PKNOX2: variants seen among roughly 807,000 people sequenced by gnomAD.
The protein encoded by PKNOX2 is PBX/knotted 1 homeobox 2.
PKNOX2 carries 14 observed loss-of-function variants against 53.1 expected under a neutral mutation model. The observed-to-expected ratio is 0.26, with a 90% CI of 0.17 to 0.41. The LOEUF is 0.41. Ranked by LOEUF, PKNOX2 falls within the 10% of genes least tolerant of loss-of-function variation. The pLI, the probability that PKNOX2 is intolerant of heterozygous loss-of-function variation, is 1.00. For missense variants in PKNOX2, 496 were observed against 602.8 expected (o/e 0.82, Z 1.85); for synonymous variants, 257 against 242.8 (o/e 1.06, Z -0.54).
At chr11:125,351,987 GC>G (rs1484181067) in intron 4 of PKNOX2, among the ~76,000 whole-genome samples, 2 of 151,432 alleles carry the variant, frequency 1.3e-5, no homozygotes, top group Non-Finnish European at 2.9e-5. Context: ...AGACACAGCC[GC>G]CCCCCAAGAT....
intron 4 of PKNOX2, among the ~76,000 whole-genome samples, chr11:125,366,851 C>T (rs1019415948): frequency 3.9e-5 from 6 of 152,110 alleles, no homozygotes; most frequent in East Asian, 1.9e-4. Context: ...TCATTTTCTC[C>T]GCAAGTATTT....
At chr11:125,249,842 G>A (rs2135667064) in intron 2 of PKNOX2, among the ~76,000 whole-genome samples, 1 of 152,188 alleles carries the variant, frequency 6.6e-6, no homozygotes, top group East Asian at 1.9e-4. Flanking sequence ...GGCCAAGGTG[G>A]GTGGATCACC....
intron 4 of PKNOX2, among the ~76,000 whole-genome samples, chr11:125,354,646 T>C (rs904322601): frequency 3.3e-5 from 5 of 152,230 alleles, no homozygotes; most frequent in African/African-American, 1.2e-4. Flanking sequence ...GGAATCTGCA[T>C]TAAAAAATTC....
At chr11:125,311,211 G>A (rs1357918104) in intron 2 of PKNOX2, among the ~76,000 whole-genome samples, 1 of 152,182 alleles carries the variant, frequency 6.6e-6, no homozygotes, top group Admixed American at 6.5e-5. Context: ...TTTGGGCTAA[G>A]ATGTGATGTC....
chr11:125,404,352 G>C (rs772999729), intron 7 of PKNOX2, among the ~76,000 whole-genome samples: 12 of 152,212 alleles, frequency 7.9e-5, no homozygotes, highest in Admixed American at 7.2e-4. Flanking sequence ...TTCCTTAAGA[G>C]CAGCAGCTGC....
chr11:125,215,606 G>A (rs894855596), intron 1 of PKNOX2, among the ~76,000 whole-genome samples: 6 of 151,856 alleles, frequency 4.0e-5, no homozygotes, highest in Non-Finnish European at 5.9e-5. Flanking sequence ...ACAAAAATTC[G>A]CCAGGCATAG....
chr11:125,165,245 GC>G lies in PKNOX2; in HGVS notation c.-201+470del, dbSNP rs1245415134. Among the ~76,000 whole-genome samples, 42 of 151,930 alleles carry G rather than the reference GC, an allele frequency of 2.8e-4. No individual in the cohort carries two copies. The highest frequency in any genetic ancestry group is 9.2e-4 in the African/African-American group (38 of 41,430). ...AGCCGGGCTGCGGACTCGAATCGCCGCGGGCCCAACCCCGTAGCGGGCGGGC... is the reference window on the plus strand; with the variant it reads ...AGCCGGGCTGCGGACTCGAATCGCCGGGGCCCAACCCCGTAGCGGGCGGGC... On this transcript the variant is annotated intron_variant, in intron 1 of 12. Coordinates refer to ENST00000298282, the MANE Select transcript of PKNOX2 (RefSeq NM_001382323.2). The surrounding 1 kb of genome is among the most constrained non-coding windows in gnomAD (Gnocchi z 4.5).
At chr11:125,347,641 A>G (rs545504575) in intron 3 of PKNOX2, among the ~76,000 whole-genome samples, 1 of 151,674 alleles carries the variant, frequency 6.6e-6, no homozygotes, top group East Asian at 2.0e-4. Context: ...CTTTGCATCC[A>G]CTGATCCTGC....
chr11:125,384,756 C>T (rs1028880901), intron 5 of PKNOX2, among the ~76,000 whole-genome samples: 2 of 152,106 alleles, frequency 1.3e-5, no homozygotes, highest in Non-Finnish European at 2.9e-5. Context: ...CATAGAACCC[C>T]CCGCCCCGAC....
rs906412845 is a variant in PKNOX2, at chr11:125,318,273, ATTTT to A, written c.-129-13530_-129-13527del. The stretch of plus-strand genomic sequence containing the variant: ...AGGCACCCGCCATCATGCCTGGCTA[ATTTT>A]TTTTTTTTTTTTTTTGTATTTTTAG... On this transcript the variant is annotated intron_variant, in intron 2 of 12. Coordinates refer to ENST00000298282, the MANE Select transcript of PKNOX2 (RefSeq NM_001382323.2). 4.5e-5 allele frequency among the ~76,000 whole-genome samples: 6 copies of A among 133,422 alleles called. No individual in the cohort carries two copies. The South Asian group carries it at 1.4e-3, about 32-fold the overall frequency. The allele number at this position is 133,422 out of a possible 152,430, so 87.5% of individuals were successfully genotyped here.
chr11:125,336,739 A>G lies in PKNOX2; in HGVS notation c.-23+4814A>G, dbSNP rs572977047. Among the ~76,000 whole-genome samples the G allele has an allele frequency of 3.8e-4, 56 of 147,180 alleles. 2 individuals are homozygous for G. In the South Asian group the frequency reaches 0.011, roughly 30 times the overall value. On this transcript the variant is annotated intron_variant, in intron 3 of 12. Coordinates refer to ENST00000298282, the MANE Select transcript of PKNOX2 (RefSeq NM_001382323.2). ...CATTATATATCATACATAATACTGTATACTACATGATATATAATATATAAT... is the reference window on the plus strand; with the variant it reads ...CATTATATATCATACATAATACTGTGTACTACATGATATATAATATATAAT...
At chr11:125,284,681 G>A (rs988861652) in intron 2 of PKNOX2, among the ~76,000 whole-genome samples, 3 of 152,206 alleles carry the variant, frequency 2.0e-5, no homozygotes, top group Middle Eastern at 3.4e-3. Flanking sequence ...GTGCTTGAGC[G>A]CATTTGGTGA....
intron 5 of PKNOX2, among the ~76,000 whole-genome samples, chr11:125,379,695 G>T (rs542469579): frequency 6.6e-6 from 1 of 152,200 alleles, no homozygotes; most frequent in Non-Finnish European, 1.5e-5. Context: ...CCAACATACT[G>T]CCCTGTCTCT....
intron 2 of PKNOX2, among the ~76,000 whole-genome samples, chr11:125,323,158 A>G (rs1949625487): frequency 1.3e-5 from 2 of 151,792 alleles, no homozygotes; most frequent in Admixed American, 1.3e-4. Flanking sequence ...GTGCGTTTCC[A>G]GCATCCGTGA....
At chr11:125,321,632 T>A (rs1157944330) in intron 2 of PKNOX2, among the ~76,000 whole-genome samples, 1 of 152,176 alleles carries the variant, frequency 6.6e-6, no homozygotes, top group Non-Finnish European at 1.5e-5. Flanking sequence ...AACGCTGTCA[T>A]CACAGTGGGA....
In PKNOX2 at chr11:125,165,447, T is replaced by A. The variant is rs1954794151; in HGVS notation, c.-201+671T>A. ...GGGCGTCCTTGGGGCCGGCGCTTAC[T>A]CCGCGCCACCAGCCTGGAGATGCTT... On this transcript the variant is annotated intron_variant, in intron 1 of 12. Transcript: ENST00000298282. The surrounding 1 kb of genome is among the most constrained non-coding windows in gnomAD (Gnocchi z 4.5). Among the ~76,000 whole-genome samples, 1 of 152,054 alleles carries A rather than the reference T, an allele frequency of 6.6e-6. No individual in the cohort carries two copies. Among genetic ancestry groups the A allele is most frequent in the Non-Finnish European group, 1.5e-5 (1 of 67,982 alleles).
In PKNOX2 at chr11:125,432,662, C is replaced by T. The variant is rs540201898; in HGVS notation, c.*1270C>T. The T allele has an allele frequency of 1.3e-5, 2 of 152,878 alleles. No individual in the cohort carries two copies. Among genetic ancestry groups the T allele is most frequent in the Non-Finnish European group, 2.9e-5 (2 of 68,194 alleles). The allele number at this position is 152,878 out of a possible 1,614,324, so 9.5% of individuals were successfully genotyped here. A position where few individuals can be genotyped will look rare whatever the true frequency, so the allele number is the denominator to read the frequency against. On this transcript the variant is annotated 3_prime_UTR_variant, in exon 13 of 13. Coordinates refer to ENST00000298282, the MANE Select transcript of PKNOX2 (RefSeq NM_001382323.2). Reference sequence around the variant, plus strand: ...GGAGGAGGAGGCTCTCCACTGTCCACCCTAACACATACCCTCCCACCCACC... The same window carrying T: ...GGAGGAGGAGGCTCTCCACTGTCCATCCTAACACATACCCTCCCACCCACC...
At chr11:125,321,494 G>A (rs1480693548) in intron 2 of PKNOX2, among the ~76,000 whole-genome samples, 1 of 152,156 alleles carries the variant, frequency 6.6e-6, no homozygotes, top group Non-Finnish European at 1.5e-5. Context: ...ATTGTTTAGG[G>A]AATAATGACA....
intron 2 of PKNOX2, among the ~76,000 whole-genome samples, chr11:125,308,144 G>A (rs1261400737): frequency 6.6e-6 from 1 of 152,166 alleles, no homozygotes; most frequent in Non-Finnish European, 1.5e-5. Flanking sequence ...GAGACCCCTG[G>A]CCACTGGGAT....
Sources: gnomAD v4.1 joint callset for allele counts (sites outside exome capture counted in the v4.1 genomes callset) on GRCh38, gnomAD v4.1.1 for gene constraint, Gnocchi (gnomAD v3.1) non-coding constraint, MANE v1.5 for transcripts, NCBI Gene and HGNC (gene_info 2026-07-23, HGNC 2026-07-21) for gene names.